NPIPB6: variants seen among roughly 807,000 people sequenced by gnomAD.
NPIPB6 encodes the protein nuclear pore complex interacting protein family member B6.
Under a neutral mutation model 20.0 loss-of-function variants are expected in NPIPB6, and 2 were observed. That is an observed-to-expected ratio of 0.10 (90% CI 0.04 to 0.31). The LOEUF is 0.31. Ranked by LOEUF, NPIPB6 falls within the 10% of genes least tolerant of loss-of-function variation. The pLI, the probability that NPIPB6 is intolerant of heterozygous loss-of-function variation, is 1.00. For synonymous variants in NPIPB6, 35 were observed against 116.3 expected (o/e 0.30, Z 4.50); for missense variants, 96 against 293.7 (o/e 0.33, Z 4.92).
At position 28,350,089 on chromosome 16, in the gene NPIPB6, C is replaced by T. The variant is rs868037081; in HGVS notation, c.304-848G>A. Among the ~76,000 whole-genome samples the T allele has an allele frequency of 1.5e-3, 140 of 94,126 alleles. 18 individuals carry two copies. Among genetic ancestry groups the T allele is most frequent in the Admixed American group, 2.5e-3 (19 of 7,530 alleles). 61.8% of individuals were successfully genotyped at this position (94,126 alleles called of 152,430 possible). A position where few individuals can be genotyped will look rare whatever the true frequency, so the allele number is the denominator to read the frequency against. ...ATGCACGCCTGTAGTCCCAGCTACT[C>T]GGGAGGCTGAGGCAGGAGAACTGCT... On this transcript the variant is annotated intron_variant, in intron 2 of 6. Transcript: ENST00000532254.
exon 7 of NPIPB6, chr16:28,343,188 C>A (rs2045036635): frequency 1.9e-6 from 3 of 1,584,856 alleles, no homozygotes; most frequent in Non-Finnish European, 2.6e-6. Flanking sequence ...ACCATTCTGA[C>A]CTGTAGGGCC....
exon 7 of NPIPB6, chr16:28,343,092 G>A: frequency 6.9e-7 from 1 of 1,455,534 alleles, no homozygotes; most frequent in Non-Finnish European, 9.4e-7. Context: ...GGAGGAGGTG[G>A]CTGGCGGCCC....
chr16:28,359,094 A>G (rs1394340926), intron 1 of NPIPB6, among the ~76,000 whole-genome samples: 8 of 137,742 alleles, frequency 5.8e-5, no homozygotes. Flanking sequence ...CTCAAAAAGA[A>G]AAAAAAAAAA....
chr16:28,342,536 T>G (rs2044994557), downstream of NPIPB6: 2 of 970,874 alleles, frequency 2.1e-6, no homozygotes, highest in African/African-American at 3.3e-5. Context: ...ATATTATTTA[T>G]TTATTCTTCG....
chr16:28,342,796 C>G, exon 7 of NPIPB6: 2 of 1,592,902 alleles, frequency 1.3e-6, no homozygotes, highest in South Asian at 1.1e-5. Flanking sequence ...CATCCACCCT[C>G]CACCTCTTGG....
rs78444812 is a variant in NPIPB6, at chr16:28,349,915, G to T, written c.304-674C>A. Among the ~76,000 whole-genome samples the T allele has an allele frequency of 5.9e-3, 378 of 63,872 alleles. 2 individuals carry two copies. The highest frequency in any genetic ancestry group is 0.017 in the Middle Eastern group (2 of 116). 41.9% of individuals were successfully genotyped at this position (63,872 alleles called of 152,430 possible). On this transcript the variant is annotated intron_variant, in intron 2 of 6. Transcript: ENST00000532254. Reference sequence around the variant, plus strand: ...AAAAAAAAAAAAAAAAAAAAAAAAAGAGCCCAGGTGCGGTAGCTCACGCCT... The same window carrying T: ...AAAAAAAAAAAAAAAAAAAAAAAAATAGCCCAGGTGCGGTAGCTCACGCCT...
intron 1 of NPIPB6, chr16:28,356,442 T>C: frequency 5.4e-6 from 1 of 186,318 alleles, no homozygotes; most frequent in South Asian, 2.8e-5. Flanking sequence ...CCCCCTAAAG[T>C]GCTGGGATTA....
rs550727015 is a variant in NPIPB6, at chr16:28,346,200, G to T, written c.600-1447C>A. The T allele has an allele frequency of 2.3e-4, 183 of 811,322 alleles. 62 individuals are homozygous for T. Among genetic ancestry groups the T allele is most frequent in the Non-Finnish European group, 2.6e-4 (177 of 684,466 alleles). The allele number at this position is 811,322 out of a possible 1,614,324, so 50.3% of individuals were successfully genotyped here. A position where few individuals can be genotyped will look rare whatever the true frequency, so the allele number is the denominator to read the frequency against. ...TATGTGTGTCTCTGGGGTCAATCTT[G>T]TGCTTGACACAGCGAAAGATCATTT... is the stretch of plus-strand genomic sequence containing the variant. On this transcript the variant is annotated intron_variant, in intron 4 of 6. Coordinates refer to ENST00000532254, the Ensembl canonical transcript of NPIPB6.
chr16:28,348,313 C>A, intron 4 of NPIPB6, among the ~76,000 whole-genome samples: 1 of 107,164 alleles, frequency 9.3e-6, no homozygotes, highest in African/African-American at 3.2e-5. Flanking sequence ...GGTGTGGTGG[C>A]TCACACCTCT....
At chr16:28,359,153 A>AAGT (rs1445983275) in intron 1 of NPIPB6, among the ~76,000 whole-genome samples, 1 of 140,046 alleles carries the variant, frequency 7.1e-6, no homozygotes, top group Admixed American at 7.2e-5. Context: ...GAGACCAAGT[A>AAGT]AGTGGGGGTT....
chr16:28,349,483 G>T (rs1330596531), intron 2 of NPIPB6, among the ~76,000 whole-genome samples: 2 of 101,166 alleles, frequency 2.0e-5, no homozygotes, highest in South Asian at 6.0e-4. Context: ...GCTGGGAGGC[G>T]GAGGTTGCAG....
Position 28,347,551 on chromosome 16 carries a change from C to CTA in NPIPB6, c.599+1281_599+1282dup, listed in dbSNP as rs1313120352. Among the ~76,000 whole-genome samples, 5 of 133,436 alleles carry CTA rather than the reference C, an allele frequency of 3.7e-5. 1 individual carries two copies. Among genetic ancestry groups the CTA allele is most frequent in the Non-Finnish European group, 8.6e-5 (5 of 57,874 alleles). 87.5% of individuals were successfully genotyped at this position (133,436 alleles called of 152,430 possible). On this transcript the variant is annotated intron_variant, in intron 4 of 6. Transcript: ENST00000532254. Reference sequence around the variant, plus strand: ...TCTTCTGCAGCAAGATAACATGCCACTAGGCCTCAATTCATTGCTAAATAT... The same window carrying CTA: ...TCTTCTGCAGCAAGATAACATGCCACTATAGGCCTCAATTCATTGCTAAATAT...
intron 2 of NPIPB6, among the ~76,000 whole-genome samples, chr16:28,352,029 A>G (rs2141620226): frequency 6.6e-4 from 1 of 1,524 alleles, no homozygotes; most frequent in Admixed American, 3.9e-3. Flanking sequence ...TAGCAGCCAA[A>G]TTCTTACCAA....
At chr16:28,347,990 G>T (rs1335231501) in intron 4 of NPIPB6, among the ~76,000 whole-genome samples, 2 of 119,246 alleles carry the variant, frequency 1.7e-5, no homozygotes, top group Admixed American at 9.4e-5. Context: ...TATGCCTGTA[G>T]TCCCAGCTAC....
intron 2 of NPIPB6, among the ~76,000 whole-genome samples, chr16:28,349,724 GC>G (rs2045180893): frequency 9.2e-6 from 1 of 108,390 alleles, no homozygotes; most frequent in African/African-American, 3.1e-5. Flanking sequence ...CGCTGTCTCT[GC>G]TAAAAATACA....
chr16:28,342,680 G>T (rs1160055853), exon 7 of NPIPB6: 2 of 1,546,708 alleles, frequency 1.3e-6, no homozygotes, highest in African/African-American at 2.7e-5. Context: ...CCGCCTCTTG[G>T]GTTTGGGTAA....
intron 1 of NPIPB6, among the ~76,000 whole-genome samples, chr16:28,361,081 CTTA>C (rs1333108363): frequency 3.4e-5 from 1 of 29,648 alleles, no homozygotes; most frequent in Non-Finnish European, 7.5e-5. Flanking sequence ...AGCTCTGCCT[CTTA>C]TTGACTGTAA....
intron 1 of NPIPB6, among the ~76,000 whole-genome samples, chr16:28,362,396 C>T (rs1168817182): frequency 9.2e-5 from 14 of 151,498 alleles, no homozygotes; most frequent in Non-Finnish European, 1.5e-5. Flanking sequence ...CCATGCCCAG[C>T]CTAAACTTGG....
rs1271372940 is a variant in NPIPB6 at position 28,348,196 on chromosome 16, A to C, written c.599+638T>G. 2.0e-4 allele frequency among the ~76,000 whole-genome samples: 23 copies of C among 113,972 alleles called. 4 individuals are homozygous for C. Among genetic ancestry groups the C allele is most frequent in the Non-Finnish European group, 3.3e-4 (17 of 51,158 alleles). 74.8% of individuals were successfully genotyped at this position (113,972 alleles called of 152,430 possible). On this transcript the variant is annotated intron_variant, in intron 4 of 6. Coordinates refer to ENST00000532254, the Ensembl canonical transcript of NPIPB6. The stretch of plus-strand genomic sequence containing the variant: ...GGAAGCTGAGGCAGAATTGCTTCAA[A>C]CTGGGAGGCAGAGGTTGCAGTGAGC...
Sources: gnomAD v4.1 joint callset for allele counts (sites outside exome capture counted in the v4.1 genomes callset) on GRCh38, gnomAD v4.1.1 for gene constraint, MANE v1.5 for transcripts, NCBI Gene and HGNC (gene_info 2026-07-23, HGNC 2026-07-21) for gene names.